CADPS: variants seen among roughly 807,000 people sequenced by gnomAD.
CADPS encodes the protein calcium dependent secretion activator.
A neutral mutation model predicts 167.3 loss-of-function variants in CADPS; 57 were observed. The observed-to-expected ratio is 0.34, with a 90% CI of 0.28 to 0.42. The LOEUF is 0.42. Among genes scored for constraint, CADPS ranks in the 20% least tolerant of loss-of-function variants. The pLI, the probability that CADPS is intolerant of heterozygous loss-of-function variation, is 1.00. For missense variants in CADPS, 1,414 were observed against 1,738.1 expected, an observed-to-expected ratio of 0.81 and a Z score of 3.32; for synonymous variants, 676 against 635.3, an observed-to-expected ratio of 1.06 and a Z score of -0.96.
chr3:62,682,186 A>G (rs1471305073), intron 3 of CADPS, among the ~76,000 whole-genome samples: 2 of 152,100 alleles, frequency 1.3e-5, no homozygotes, highest in South Asian at 2.1e-4. Context: ...TTGTGGCTGT[A>G]CCACAATACA....
At chr3:62,751,153 G>T (rs2082605627) in intron 3 of CADPS, among the ~76,000 whole-genome samples, 1 of 152,116 alleles carries the variant, frequency 6.6e-6, no homozygotes, top group African/African-American at 2.4e-5. Flanking sequence ...TATTGTCATA[G>T]AAATGGGTAT....
intron 6 of CADPS, among the ~76,000 whole-genome samples, chr3:62,599,647 A>ATT (rs1562703007): frequency 1.7e-5 from 1 of 58,146 alleles, no homozygotes; most frequent in Non-Finnish European, 2.9e-5. Context: ...TATAATATAT[A>ATT]ATATATAATA....
rs181644319 is a variant in CADPS at position 62,689,621 on chromosome 3, A to G, written c.889-27227T>C. Among the ~76,000 whole-genome samples, 1,130 of 152,156 alleles carry G rather than the reference A, an allele frequency of 7.4e-3. 4 individuals are homozygous for G. Among genetic ancestry groups the G allele is most frequent in the Non-Finnish European group, 0.011 (774 of 68,004 alleles). On this transcript the variant is annotated intron_variant, in intron 3 of 29. Transcript: ENST00000383710. ...GCATAAAAAATTAGATTGTATTTGGATGACATGTTTGTATAACCCTTTGGA... is the reference window on the plus strand; with the variant it reads ...GCATAAAAAATTAGATTGTATTTGGGTGACATGTTTGTATAACCCTTTGGA...
At chr3:62,614,852 A>G (rs2062016530) in intron 6 of CADPS, among the ~76,000 whole-genome samples, 2 of 152,212 alleles carry the variant, frequency 1.3e-5, no homozygotes, top group South Asian at 4.1e-4. Context: ...GATCTTGGAT[A>G]AGTACCCTCA....
At chr3:62,525,843 T>A (rs1361720381) in intron 13 of CADPS, among the ~76,000 whole-genome samples, 1 of 151,988 alleles carries the variant, frequency 6.6e-6, no homozygotes, top group Non-Finnish European at 1.5e-5. Context: ...AACCATTATG[T>A]GACATGGATT....
At chr3:62,731,835 A>AAAAG (rs568495417) in intron 3 of CADPS, among the ~76,000 whole-genome samples, 12 of 110,114 alleles carry the variant, frequency 1.1e-4, no homozygotes, top group African/African-American at 3.1e-4. Flanking sequence ...AAAAAAGTAA[A>AAAAG]GAAGGAAGAA....
At position 62,478,972 on chromosome 3, in the gene CADPS, G is replaced by A. The variant is rs1404110688; in HGVS notation, c.3174-556C>T. Reference sequence around the variant, plus strand: ...AAGAAATTAGGGTGACTCAGATCAAGAGGGGTACACCTGGATACCTTGATT... The same window carrying A: ...AAGAAATTAGGGTGACTCAGATCAAAAGGGGTACACCTGGATACCTTGATT... On this transcript the variant is annotated intron_variant, in intron 22 of 29. Transcript: ENST00000383710. The surrounding 1 kb of genome is among the most constrained non-coding windows in gnomAD (Gnocchi z 5.7). 6.6e-6 allele frequency among the ~76,000 whole-genome samples: 1 copy of A among 152,202 alleles called. No individual in the cohort carries two copies. Among genetic ancestry groups the A allele is most frequent in the African/African-American group, 2.4e-5 (1 of 41,464 alleles).
At chr3:62,494,725 T>C (rs9828071) in intron 18 of CADPS, among the ~76,000 whole-genome samples, 19,881 of 142,810 alleles carry the variant, frequency 0.14, 1,577 homozygotes, top group Admixed American at 0.23. Context: ...TGGAGTGCAA[T>C]GGTGCGATCT....
intron 3 of CADPS, among the ~76,000 whole-genome samples, chr3:62,743,465 C>T (rs552038406): frequency 6.6e-6 from 1 of 152,260 alleles, no homozygotes; most frequent in East Asian, 1.9e-4. Context: ...AACTGAAAAG[C>T]TTTGCAATTT....
chr3:62,722,154 A>G (rs773006108), intron 3 of CADPS, among the ~76,000 whole-genome samples: 1 of 152,210 alleles, frequency 6.6e-6, no homozygotes, highest in Non-Finnish European at 1.5e-5. Flanking sequence ...CAGCCTCTGA[A>G]TTTTCACTTA....
chr3:62,585,952 G>A (rs2084519865), intron 7 of CADPS, among the ~76,000 whole-genome samples: 1 of 152,184 alleles, frequency 6.6e-6, no homozygotes, highest in Non-Finnish European at 1.5e-5. Context: ...CATTTCTTAG[G>A]AAATGCCTTT....
intron 1 of CADPS, chr3:62,779,371 T>C (rs2091095053): frequency 4.4e-6 from 2 of 451,742 alleles, no homozygotes; most frequent in Non-Finnish European, 8.7e-6. Flanking sequence ...AGCAGGTGCT[T>C]TTTTGGGAGA....
Position 62,868,199 on chromosome 3 carries a change from A to G in CADPS, c.441+6390T>C, listed in dbSNP as rs1051932717. 2.0e-5 allele frequency among the ~76,000 whole-genome samples: 3 copies of G among 152,112 alleles called. No individual in the cohort carries two copies. The South Asian group carries it at 6.2e-4, about 31-fold the overall frequency. On this transcript the variant is annotated intron_variant, in intron 1 of 29. Coordinates refer to ENST00000383710, the MANE Select transcript of CADPS (RefSeq NM_003716.4). ...GAAAAGTACTGCAGTTGCCAAAGAC[A>G]GGGAACACACAGTTCTAAATTTCAG...
Position 62,874,010 on chromosome 3 carries a change from C to T in CADPS, c.441+579G>A, listed in dbSNP as rs893753164. ...GGCAGGGAGAGGAGGGTGCCCTTCG[C>T]AGAGTCACGGGAAGCTTCGCCTTCT... On this transcript the variant is annotated intron_variant, in intron 1 of 29. Transcript: ENST00000383710. The surrounding 1 kb of genome is among the most constrained non-coding windows in gnomAD (Gnocchi z 7.1). Among the ~76,000 whole-genome samples, 2 of 152,238 alleles carry T rather than the reference C, an allele frequency of 1.3e-5. No individual in the cohort carries two copies. Among genetic ancestry groups the T allele is most frequent in the African/African-American group, 4.8e-5 (2 of 41,476 alleles).
At chr3:62,694,994 CA>C (rs1268943210) in intron 3 of CADPS, among the ~76,000 whole-genome samples, 3 of 152,194 alleles carry the variant, frequency 2.0e-5, no homozygotes, top group Non-Finnish European at 4.4e-5. Context: ...AAGACATTCA[CA>C]GAATATTGTC....
chr3:62,595,574 C>A (rs566684316), intron 6 of CADPS, among the ~76,000 whole-genome samples: 1 of 152,316 alleles, frequency 6.6e-6, no homozygotes, highest in Non-Finnish European at 1.5e-5. Context: ...ATTTTGGCTA[C>A]TTTCCCTTCC....
intron 8 of CADPS, among the ~76,000 whole-genome samples, chr3:62,572,917 C>T (rs1448955759): frequency 2.0e-5 from 3 of 152,060 alleles, no homozygotes; most frequent in East Asian, 1.9e-4. Flanking sequence ...AGTTGCACTC[C>T]GTCACCCAGG....
intron 6 of CADPS, among the ~76,000 whole-genome samples, chr3:62,599,785 T>C (rs2059586417): frequency 3.5e-5 from 1 of 28,262 alleles, no homozygotes; most frequent in Admixed American, 7.5e-4. Flanking sequence ...ATATATTATA[T>C]ATAATATATA....
At chr3:62,680,246 C>A (rs1429672256) in intron 3 of CADPS, among the ~76,000 whole-genome samples, 1 of 151,928 alleles carries the variant, frequency 6.6e-6, no homozygotes, top group Non-Finnish European at 1.5e-5. Context: ...GAAAGAGTGG[C>A]TTCATGTCTA....
Sources: allele counts gnomAD v4.1 joint callset (sites outside exome capture counted in the v4.1 genomes callset), GRCh38; gene constraint gnomAD v4.1.1; non-coding constraint Gnocchi (gnomAD v3.1); transcripts MANE v1.5; gene names NCBI Gene and HGNC (gene_info 2026-07-23, HGNC 2026-07-21).